Variants in POLD1 observed in about 807,000 individuals in gnomAD.
POLD1 encodes the protein DNA polymerase delta catalytic subunit.
Under a neutral mutation model 129.7 loss-of-function variants are expected in POLD1, and 79 were observed. The ratio of observed to expected loss-of-function variants is 0.61; its 90% CI spans 0.51 to 0.73. The LOEUF (loss-of-function observed/expected upper bound fraction) is 0.73. Among genes scored for constraint, POLD1 ranks in the 30% least tolerant of loss-of-function variants. POLD1 has a pLI of 0.00. For missense variants in POLD1, 1,338 were observed against 1,595.8 expected (o/e 0.84, Z 2.75); for synonymous variants, 714 against 683.3 (o/e 1.04, Z -0.70).
At chr19:50,400,897 C>T (rs1004806754) in intron 3 of POLD1, among the ~76,000 whole-genome samples, 7 of 151,356 alleles carry the variant, frequency 4.6e-5, no homozygotes, top group Admixed American at 2.6e-4. Flanking sequence ...GGGGTTTCAC[C>T]GTTTTAGCCA....
In POLD1 at chr19:50,406,036, A is replaced by G. The variant is rs1411418137; in HGVS notation, c.1243-146A>G. ...CCCCAGTCTCCAGCCACCCACACCC[A>G]GCCCCAGACCGTCTTTCTGCCCCCA... On this transcript the variant is annotated intron_variant, in intron 10 of 26. Transcript: ENST00000440232. This position sits in a 1 kb window ranked among gnomAD's most constrained non-coding sequence, Gnocchi z 5.5. 3.3e-6 allele frequency: 3 copies of G among 901,140 alleles called. No individual in the cohort carries two copies. The highest frequency in any genetic ancestry group is 5.1e-6 in the Non-Finnish European group (3 of 583,668). 55.8% of individuals were successfully genotyped at this position (901,140 alleles called of 1,614,324 possible).
chr19:50,416,516 G>A lies in POLD1; in HGVS notation c.2941G>A (p.Ala981Thr). Residue 981 changes from alanine (A) to threonine (T), a missense_variant, in exon 23 of 27, where the codon GCT becomes ACT. This residue lies in a region of POLD1 where 286 missense variants were observed against 277.5 expected (regional missense o/e 1.03). Transcript: ENST00000440232. ...EPILGEGRAE[A>T]VLLRGDHTRC... is the part of the protein sequence containing the mutation. Reference sequence around the variant, plus strand: ...CATCCTGGGCGAGGGCCGTGCCGAGGCTGTGCTACTGCGTACGGGGGCACC... The same window carrying A: ...CATCCTGGGCGAGGGCCGTGCCGAGACTGTGCTACTGCGTACGGGGGCACC... 1 of 1,553,120 alleles carries A rather than the reference G, an allele frequency of 6.4e-7. No homozygotes were observed. The highest frequency in any genetic ancestry group is 8.7e-7 in the Non-Finnish European group (1 of 1,149,960).
chr19:50,417,357 C>A, intron 26 of POLD1, 88 bp downstream of exon 26: 1 of 830,866 alleles, frequency 1.2e-6, no homozygotes, highest in South Asian at 1.6e-5. Context: ...GACTCCAAGG[C>A]CTCTCCTGAG....
Position 50,406,983 on chromosome 19 carries a change from A to G in POLD1, c.1495A>G (p.Asn499Asp). The G allele has an allele frequency of 6.3e-7, 1 of 1,586,868 alleles. No homozygotes were observed. Among genetic ancestry groups the G allele is most frequent in the Non-Finnish European group, 8.6e-7 (1 of 1,165,198 alleles). ...VQHSIITDLQ[N>D]GNDQTRRRLA... ...TGACCCCATCCGTGCCCATCCCCAG[A>G]ATGGGAACGACCAGACCCGCCGCCG... Residue 499 changes from asparagine to aspartate, a missense_variant and splice_region_variant, in exon 13 of 27, where the codon AAT becomes GAT. Coordinates refer to ENST00000440232, the MANE Select transcript of POLD1 (RefSeq NM_002691.4). The surrounding 1 kb of genome is among the most constrained non-coding windows in gnomAD (Gnocchi z 5.5).
intron 1 of POLD1, among the ~76,000 whole-genome samples, chr19:50,398,291 G>A (rs1391049767): frequency 4.6e-5 from 7 of 152,164 alleles, no homozygotes; most frequent in Non-Finnish European, 7.3e-5. Flanking sequence ...ATGTGCCAAG[G>A]CCGGGCGCGG....
chr19:50,415,952 C>T (rs1339686538), intron 22 of POLD1, 126 bp downstream of exon 22: 6 of 685,800 alleles, frequency 8.7e-6, no homozygotes, highest in African/African-American at 1.8e-5. Flanking sequence ...AACCGCCCCC[C>T]ATGGCAGCCT....
rs1601202571 is a variant in POLD1, at chr19:50,402,668, A to G, written c.897A>G (p.Pro299=). The G allele has an allele frequency of 1.3e-6, 2 of 1,596,710 alleles. No individual in the cohort carries two copies. The highest frequency in any genetic ancestry group is 1.7e-5 in the Admixed American group (1 of 57,670). The change falls in exon 8 of 27, where the codon CCA becomes CCG. Residue 299 remains proline, a synonymous_variant. Transcript: ENST00000440232. ...DVLWSDVVSH[P]PEGPWQRIAP... ...TGTGGTCTGACGTGGTCAGTCACCC[A>G]CCGGAAGGGCCATGGCAGCGCATTG...
chr19:50,395,409 C>G (rs941884724), intron 1 of POLD1, among the ~76,000 whole-genome samples: 1 of 151,896 alleles, frequency 6.6e-6, no homozygotes, highest in Non-Finnish European at 1.5e-5. Context: ...CAGTGAAACC[C>G]CGTCTCTACT....
chr19:50,390,137 G>A (rs994830075), intron 1 of POLD1, among the ~76,000 whole-genome samples: 2 of 151,852 alleles, frequency 1.3e-5, no homozygotes, highest in South Asian at 4.2e-4. Flanking sequence ...TCAAACTCTT[G>A]ACCTCAGGTA....
At position 50,408,912 on chromosome 19, in the gene POLD1, C is replaced by T. The variant is rs376751542; in HGVS notation, c.1892+11C>T. 118 of 1,603,540 alleles carry T rather than the reference C, an allele frequency of 7.4e-5. No individual in the cohort carries two copies. Among genetic ancestry groups the T allele is most frequent in the Non-Finnish European group, 9.9e-5 (116 of 1,174,216 alleles). On this transcript the variant is annotated intron_variant, in intron 15 of 26. Coordinates refer to ENST00000440232, the MANE Select transcript of POLD1 (RefSeq NM_002691.4). The stretch of plus-strand genomic sequence containing the variant: ...TGCACAGAAACTGGGGTATAGTGCC[C>T]AATTCAGCATGTGTCCCCCGAGGCC...
rs1064794915 is a variant in POLD1, at chr19:50,413,531, TGCCCACCGCTGCCCTGAGATGG to T, written c.2250+16_2250+37del. The T allele has an allele frequency of 1.3e-6, 2 of 1,594,232 alleles. No individual in the cohort carries two copies. Among genetic ancestry groups the T allele is most frequent in the Non-Finnish European group, 1.7e-6 (2 of 1,167,804 alleles). ...CAGCACCAGTGCCAAGGTCGGGGGC[TGCCCACCGCTGCCCTGAGATGG>T]GCCCAGGGCAGGTGGGGGGATGGAA... is the stretch of plus-strand genomic sequence containing the variant. On this transcript the variant is annotated intron_variant, in intron 18 of 26. Coordinates refer to ENST00000440232, the MANE Select transcript of POLD1 (RefSeq NM_002691.4).
Position 50,403,512 on chromosome 19 carries a change from G to C in POLD1, c.1157G>C (p.Arg386Pro). The C allele has an allele frequency of 6.2e-7, 1 of 1,613,552 alleles. No individual in the cohort carries two copies. The highest frequency in any genetic ancestry group is 8.5e-7 in the Non-Finnish European group (1 of 1,179,480). ...DLLQAWSTFI[R>P]IMDPDVITGY... Reference sequence around the variant, plus strand: ...CCCCAGGCCTGGTCCACCTTCATCCGTATCATGGACCCCGACGTGATCACC... The same window carrying C: ...CCCCAGGCCTGGTCCACCTTCATCCCTATCATGGACCCCGACGTGATCACC... Residue 386 changes from arginine to proline, a missense_variant, in exon 10 of 27, where the codon CGT becomes CCT. This residue lies in a region of POLD1 where 720 missense variants were observed against 1,002.6 expected (regional missense o/e 0.72). Transcript: ENST00000440232.
chr19:50,403,048 C>G lies in POLD1; in HGVS notation c.971-5C>G, dbSNP rs778993986. The G allele has an allele frequency of 1.1e-5, 17 of 1,555,368 alleles. No individual in the cohort carries two copies. In the South Asian group the frequency reaches 1.4e-4, roughly 13 times the overall value. On this transcript the variant is annotated splice_polypyrimidine_tract_variant and splice_region_variant and intron_variant, in intron 8 of 26. Coordinates refer to ENST00000440232, the MANE Select transcript of POLD1 (RefSeq NM_002691.4). The stretch of plus-strand genomic sequence containing the variant: ...GTCAGGCCCCTGCATCCTCCTGCCT[C>G]GCAGGCATCTTCCCTGAGCCTGAGC...
At chr19:50,395,320 G>T (rs1017322995) in intron 1 of POLD1, among the ~76,000 whole-genome samples, 5 of 151,668 alleles carry the variant, frequency 3.3e-5, no homozygotes, top group Non-Finnish European at 7.4e-5. Context: ...TGTAGGCCGG[G>T]CGCGGTGGCT....
chr19:50,395,457 G>T (rs1276474793), intron 1 of POLD1, among the ~76,000 whole-genome samples: 1 of 152,026 alleles, frequency 6.6e-6, no homozygotes, highest in East Asian at 1.9e-4. Context: ...AGTGGCGGAC[G>T]CCTGTAGTCC....
chr19:50,395,776 A>C (rs768586922), intron 1 of POLD1, among the ~76,000 whole-genome samples: 3 of 151,006 alleles, frequency 2.0e-5, no homozygotes, highest in Non-Finnish European at 4.4e-5. Context: ...TAAATACTTG[A>C]GTGTGTATCT....
intron 1 of POLD1, among the ~76,000 whole-genome samples, chr19:50,397,971 A>G (rs1235325872): frequency 6.6e-6 from 1 of 152,172 alleles, no homozygotes; most frequent in East Asian, 1.9e-4. Context: ...ACTACGTGCT[A>G]ACATGTGGAG....
chr19:50,385,710 G>C (rs1263252294), intron 1 of POLD1, among the ~76,000 whole-genome samples: 1 of 151,926 alleles, frequency 6.6e-6, no homozygotes, highest in African/African-American at 2.4e-5. Context: ...TGTATTTTTA[G>C]TAGAGATGGG....
rs1064795184 is a variant in POLD1 at position 50,413,829 on chromosome 19, G to A, written c.2338G>A (p.Asp780Asn). ...GATGGCCCTGGGGCGGGAGGCCGCG[G>A]ACTGGGTGTCAGGTCACTTCCCGTC... Reference protein sequence around the residue: ...EAMALGREAADWVSGHFPSPI... With the variant: ...EAMALGREAANWVSGHFPSPI... The change falls in exon 19 of 27, where the codon GAC becomes AAC. Residue 780 changes from aspartate (D) to asparagine (N), a missense_variant. Asp to Asn is a conservative substitution (Grantham distance 23, BLOSUM62 1). Transcript: ENST00000440232. 3.1e-6 allele frequency: 5 copies of A among 1,612,248 alleles called. No homozygotes were observed. The highest frequency in any genetic ancestry group is 4.2e-6 in the Non-Finnish European group (5 of 1,179,402).
Sources: allele counts gnomAD v4.1 joint callset (sites outside exome capture counted in the v4.1 genomes callset), GRCh38; gene constraint gnomAD v4.1.1; regional missense constraint gnomAD v4.1.1; non-coding constraint Gnocchi (gnomAD v3.1); transcripts MANE v1.5; gene names NCBI Gene and HGNC (gene_info 2026-07-23, HGNC 2026-07-21).